Variants in ATF7IP observed in about 807,000 individuals in gnomAD.
The protein encoded by ATF7IP is activating transcription factor 7-interacting protein 1.
ATF7IP carries 23 observed loss-of-function variants against 106.4 expected under a neutral mutation model. That is an observed-to-expected ratio of 0.22 (90% CI 0.16 to 0.31). The LOEUF (loss-of-function observed/expected upper bound fraction) is 0.31. ATF7IP is among the 10% of genes least tolerant of loss of function. The pLI, the probability that ATF7IP is intolerant of heterozygous loss-of-function variation, is 1.00. For missense variants in ATF7IP, 1,334 were observed against 1,524.3 expected, an observed-to-expected ratio of 0.88 and a Z score of 2.08; for synonymous variants, 542 against 539.0, an observed-to-expected ratio of 1.01 and a Z score of -0.08.
chr12:14,492,423 G>C (rs1944858896), intron 13 of ATF7IP, among the ~76,000 whole-genome samples: 1 of 152,150 alleles, frequency 6.6e-6, no homozygotes, highest in Admixed American at 6.5e-5. Flanking sequence ...TGCATAAATT[G>C]TCAGGAATGT....
At chr12:14,426,598 A>G (rs1233498075) in intron 2 of ATF7IP, among the ~76,000 whole-genome samples, 1 of 147,782 alleles carries the variant, frequency 6.8e-6, no homozygotes, top group African/African-American at 2.5e-5. Flanking sequence ...AGGCTGAGGC[A>G]GGCAGATTGC....
intron 10 of ATF7IP, among the ~76,000 whole-genome samples, chr12:14,468,255 G>A (rs149583834): frequency 8.2e-4 from 107 of 130,098 alleles, no homozygotes; most frequent in African/African-American, 2.8e-3. Flanking sequence ...GTGAAAGAGC[G>A]AAACTCCATC....
At chr12:14,402,712 G>A (rs1343362617) in intron 1 of ATF7IP, among the ~76,000 whole-genome samples, 2 of 150,932 alleles carry the variant, frequency 1.3e-5, no homozygotes, top group African/African-American at 2.4e-5. Context: ...GGGTTCAAGC[G>A]ATTCTCCTGC....
chr12:14,397,707 T>C (rs374840330), intron 1 of ATF7IP, among the ~76,000 whole-genome samples: 1 of 142,422 alleles, frequency 7.0e-6, no homozygotes, highest in East Asian at 2.0e-4. Context: ...TTTTCTTATG[T>C]TTTCTAGGCT....
chr12:14,414,315 A>G (rs780456308), intron 1 of ATF7IP, among the ~76,000 whole-genome samples: 1 of 152,158 alleles, frequency 6.6e-6, no homozygotes, highest in Non-Finnish European at 1.5e-5. Context: ...GTTTTAGCCA[A>G]TGGAATGTGA....
At chr12:14,376,646 G>A (rs1170027829) in intron 1 of ATF7IP, among the ~76,000 whole-genome samples, 1 of 152,082 alleles carries the variant, frequency 6.6e-6, no homozygotes, top group Non-Finnish European at 1.5e-5. Flanking sequence ...ATAATTGTAG[G>A]GTATCTTGGG....
Position 14,481,030 on chromosome 12 carries a change from G to A in ATF7IP, c.3125G>A (p.Arg1042His), listed in dbSNP as rs1331891594. The part of the protein sequence containing the change: ...TAPTTVNVTH[R>H]PVTQVTTRLP... ...CCAACTACCGTGAATGTAACACATC[G>A]TCCAGTAACTCAGGTGACCACAAGA... is the stretch of plus-strand genomic sequence containing the variant. The change falls in exon 13 of 15, where the codon CGT becomes CAT. Residue 1042 changes from arginine to histidine, a missense_variant. Coordinates refer to ENST00000261168, the MANE Select transcript of ATF7IP (RefSeq NM_018179.5). 1.9e-6 allele frequency: 3 copies of A among 1,613,706 alleles called. No homozygotes were observed. Among genetic ancestry groups the A allele is most frequent in the African/African-American group, 1.3e-5 (1 of 74,918 alleles).
intron 13 of ATF7IP, among the ~76,000 whole-genome samples, chr12:14,489,669 T>C (rs1332865947): frequency 2.0e-5 from 3 of 152,142 alleles, no homozygotes; most frequent in Non-Finnish European, 4.4e-5. Flanking sequence ...CTAGTTGGCA[T>C]TGTAATTGTG....
At chr12:14,369,552 C>T (rs530791248) in intron 1 of ATF7IP, among the ~76,000 whole-genome samples, 1 of 152,118 alleles carries the variant, frequency 6.6e-6, no homozygotes, top group South Asian at 2.1e-4. Context: ...TGGCCAGGCT[C>T]GTCTTGAACT....
At chr12:14,496,142 C>A in intron 13 of ATF7IP, 89 bp from the exon 14 acceptor site, 1 of 778,064 alleles carries the variant, frequency 1.3e-6, no homozygotes, top group Non-Finnish European at 2.1e-6. Flanking sequence ...GAAAACATTG[C>A]TTCACTGCCT....
intron 10 of ATF7IP, among the ~76,000 whole-genome samples, chr12:14,469,027 T>G (rs1943938742): frequency 6.6e-6 from 1 of 152,196 alleles, no homozygotes; most frequent in Admixed American, 6.5e-5. Flanking sequence ...GTCCCAAGCC[T>G]ACTTAGTTGT....
At chr12:14,455,883 C>G (rs532342642) in intron 6 of ATF7IP, among the ~76,000 whole-genome samples, 1 of 152,124 alleles carries the variant, frequency 6.6e-6, no homozygotes, top group Non-Finnish European at 1.5e-5. Context: ...GCCACTGTGC[C>G]CAGCCTCGTT....
Position 14,481,126 on chromosome 12 carries a change from C to T in ATF7IP, c.3221C>T (p.Ala1074Val). ...ACTCTTCCTGCACCACCAGCTCAGG[C>T]TCCCTTGCGAGGAACTGTTATGCAG... The part of the protein sequence containing the change: ...YTTLPAPPAQ[A>V]PLRGTVMQAP... Residue 1074 changes from alanine (A) to valine (V), a missense_variant, in exon 13 of 15, where the codon GCT becomes GTT. Physicochemically the swap from Ala to Val is moderately conservative, Grantham distance 64. Around this residue, in one of 10 missense-constraint regions of ATF7IP, gnomAD observed 370 missense variants for 401.2 expected, o/e 0.92. Coordinates refer to ENST00000261168, the MANE Select transcript of ATF7IP (RefSeq NM_018179.5). 1.9e-6 allele frequency: 3 copies of T among 1,614,046 alleles called. No individual in the cohort carries two copies. The highest frequency in any genetic ancestry group is 2.5e-6 in the Non-Finnish European group (3 of 1,179,966).
At chr12:14,414,844 T>C (rs1941119516) in intron 1 of ATF7IP, among the ~76,000 whole-genome samples, 1 of 152,210 alleles carries the variant, frequency 6.6e-6, no homozygotes, top group Non-Finnish European at 1.5e-5. Context: ...GATTTACATC[T>C]TTCAGCTCCT....
Position 14,460,627 on chromosome 12 carries a change from C to G in ATF7IP, c.2291C>G (p.Thr764Ser). Residue 764 changes from threonine (T) to serine (S), a missense_variant, in exon 9 of 15, where the codon ACT becomes AGT. By Grantham distance (58) the Thr-to-Ser change is moderately conservative. Transcript: ENST00000261168. ...CCCAATACAGCTACTGTAGTTGCTA[C>G]TACTCAGGTGCCTAGTGGAAATCCC... ...PAPNTATVVATTQVPSGNPQP... is the reference protein window; with the variant it reads ...PAPNTATVVASTQVPSGNPQP... 1 of 1,614,190 alleles carries G rather than the reference C, an allele frequency of 6.2e-7. No homozygotes were observed. Among genetic ancestry groups the G allele is most frequent in the Non-Finnish European group, 8.5e-7 (1 of 1,180,028 alleles).
intron 5 of ATF7IP, among the ~76,000 whole-genome samples, chr12:14,441,357 C>T (rs1037276144): frequency 2.1e-4 from 32 of 152,108 alleles, no homozygotes; most frequent in African/African-American, 7.2e-4. Flanking sequence ...TTTTCATGTA[C>T]TTGTTGATCA....
chr12:14,389,270 AG>A (rs1939415830), intron 1 of ATF7IP, among the ~76,000 whole-genome samples: 1 of 152,220 alleles, frequency 6.6e-6, no homozygotes, highest in African/African-American at 2.4e-5. Flanking sequence ...TCGTTTTTGT[AG>A]TACTGGGTCC....
intron 2 of ATF7IP, among the ~76,000 whole-genome samples, chr12:14,430,306 G>A (rs1942053875): frequency 6.6e-6 from 1 of 152,168 alleles, no homozygotes; most frequent in Non-Finnish European, 1.5e-5. Context: ...TAACAATCTG[G>A]AGATCATTGG....
intron 5 of ATF7IP, among the ~76,000 whole-genome samples, chr12:14,442,173 A>G (rs1942744251): frequency 1.3e-5 from 2 of 151,636 alleles, no homozygotes; most frequent in Non-Finnish European, 2.9e-5. Context: ...CTTCCTATAT[A>G]TATTTTTAGT....
Sources: allele counts gnomAD v4.1 joint callset (sites outside exome capture counted in the v4.1 genomes callset), GRCh38; gene constraint gnomAD v4.1.1; regional missense constraint gnomAD v4.1.1; transcripts MANE v1.5; gene names NCBI Gene and HGNC (gene_info 2026-07-23, HGNC 2026-07-21).